Variants in SLC15A5 observed in about 807,000 individuals in gnomAD.
SLC15A5 encodes solute carrier family 15 member 5, also known as Peptide/histidine transporter ENSP00000340402.
In SLC15A5, 58 loss-of-function variants were observed where a neutral mutation model predicts 56.1. The ratio of observed to expected loss-of-function variants is 1.03; its 90% CI spans 0.84 to 1.29. The LOEUF (loss-of-function observed/expected upper bound fraction) is 1.29, where lower values mean the gene tolerates loss of function less well. Ranked by LOEUF, SLC15A5 falls within the 50% of genes most tolerant of loss-of-function variation. SLC15A5 has a pLI of 0.00. For synonymous variants in SLC15A5, 264 were observed against 250.5 expected (o/e 1.05, Z -0.51); for missense variants, 681 against 672.1 (o/e 1.01, Z -0.15).
chr12:16,276,438 C>A (rs1029738843), intron 1 of SLC15A5, among the ~76,000 whole-genome samples: 6 of 151,958 alleles, frequency 3.9e-5, no homozygotes, highest in African/African-American at 1.4e-4. Context: ...CACATTTGTA[C>A]CTTTATTTAG....
chr12:16,272,512 A>T (rs1461202843), intron 2 of SLC15A5, 49 bp downstream of exon 2: 2 of 1,494,168 alleles, frequency 1.3e-6, no homozygotes, highest in South Asian at 1.2e-5. Context: ...GAAAGTAAAC[A>T]GTGAGAATGG....
chr12:16,218,145 G>C (rs759257681), intron 6 of SLC15A5, among the ~76,000 whole-genome samples: 1 of 152,094 alleles, frequency 6.6e-6, no homozygotes, highest in African/African-American at 2.4e-5. Context: ...ACAAGTTTTG[G>C]CTATGAGTTG....
chr12:16,244,545 C>A (rs1447846451), intron 4 of SLC15A5, 35 bp downstream of exon 4: 1 of 1,512,566 alleles, frequency 6.6e-7, no homozygotes, highest in South Asian at 1.2e-5. Flanking sequence ...AATCACTTTC[C>A]TGTTGTTGGG....
intron 4 of SLC15A5, among the ~76,000 whole-genome samples, chr12:16,240,230 A>G (rs543146435): frequency 6.6e-6 from 1 of 152,352 alleles, no homozygotes; most frequent in African/African-American, 2.4e-5. Flanking sequence ...GAACACTAAT[A>G]TAAAACCAGT....
At chr12:16,206,848 C>G (rs1177480066) in intron 7 of SLC15A5, among the ~76,000 whole-genome samples, 1 of 152,116 alleles carries the variant, frequency 6.6e-6, no homozygotes, top group South Asian at 2.1e-4. Flanking sequence ...GCATTGTTCA[C>G]CTGAGCTGCA....
rs1348068572 is a variant in SLC15A5, at chr12:16,189,299, T to C, written c.*369A>G. The C allele has an allele frequency of 6.4e-6, 1 of 156,360 alleles. No homozygotes were observed. The highest frequency in any genetic ancestry group is 1.4e-5 in the Non-Finnish European group (1 of 70,968). The allele number at this position is 156,360 out of a possible 1,614,324, so 9.7% of individuals were successfully genotyped here. On this transcript the variant is annotated 3_prime_UTR_variant, in exon 9 of 9. Coordinates refer to ENST00000344941, the MANE Select transcript of SLC15A5 (RefSeq NM_001170798.1). ...TGTATTGAAAGAGAGTATATTAAAATACTGTCATTTTGCTTCTAATGACTC... is the reference window on the plus strand; with the variant it reads ...TGTATTGAAAGAGAGTATATTAAAACACTGTCATTTTGCTTCTAATGACTC...
At chr12:16,270,493 G>T (rs950311167) in intron 2 of SLC15A5, among the ~76,000 whole-genome samples, 3 of 152,072 alleles carry the variant, frequency 2.0e-5, no homozygotes, top group Non-Finnish European at 4.4e-5. Flanking sequence ...TCCTAAATGG[G>T]TTCCCTCTTT....
At chr12:16,195,693 T>C (rs1308190483) in intron 7 of SLC15A5, among the ~76,000 whole-genome samples, 1 of 152,078 alleles carries the variant, frequency 6.6e-6, no homozygotes, top group African/African-American at 2.4e-5. Context: ...GCACATGGGT[T>C]GTAGGGTTGT....
At position 16,224,493 on chromosome 12, in the gene SLC15A5, A is replaced by G; in HGVS notation, c.1272T>C (p.Thr424=). Residue 424 remains threonine, a synonymous_variant, in exon 6 of 9, where the codon ACT becomes ACC. Transcript: ENST00000344941. ...GGTAGAAACAGGGCATGGAGGAAAC[A>G]GTGAGAACTTTTCCTGAAAGGGGCT... ...VEQPLSGKVL[T]VSSMPCFYLI... is the part of the protein sequence containing the mutation. The G allele has an allele frequency of 1.3e-6, 2 of 1,537,308 alleles. No individual in the cohort carries two copies. Among genetic ancestry groups the G allele is most frequent in the South Asian group, 1.2e-5 (1 of 84,058 alleles).
In SLC15A5 at chr12:16,189,600, A is replaced by G; in HGVS notation, c.*68T>C. 1 of 1,318,618 alleles carries G rather than the reference A, an allele frequency of 7.6e-7. No homozygotes were observed. Among genetic ancestry groups the G allele is most frequent in the East Asian group, 2.6e-5 (1 of 37,776 alleles). 81.7% of individuals were successfully genotyped at this position (1,318,618 alleles called of 1,614,324 possible). ...TATTGGCTTTTACACTAAAACACAT[A>G]AAATGCTCAACTGAAGAAGAAAACA... On this transcript the variant is annotated 3_prime_UTR_variant, in exon 9 of 9. Transcript: ENST00000344941.
chr12:16,271,414 C>A lies in SLC15A5; in HGVS notation c.584+1147G>T, dbSNP rs1321088423. ...AATAGAATAAAAAAGAAGGATTTTT[C>A]TTTCTCCTTTGGGCAGGTCAAGGAG... is the stretch of plus-strand genomic sequence containing the variant. On this transcript the variant is annotated intron_variant, in intron 2 of 8. Transcript: ENST00000344941. This position sits in a 1 kb window ranked among gnomAD's most constrained non-coding sequence, Gnocchi z 8.0. Among the ~76,000 whole-genome samples the A allele has an allele frequency of 6.6e-6, 1 of 152,098 alleles. No homozygotes were observed. Among genetic ancestry groups the A allele is most frequent in the African/African-American group, 2.4e-5 (1 of 41,436 alleles).
chr12:16,250,909 A>C (rs1864512753), intron 3 of SLC15A5, among the ~76,000 whole-genome samples: 1 of 152,002 alleles, frequency 6.6e-6, no homozygotes, highest in East Asian at 1.9e-4. Context: ...AATGAAAGAC[A>C]AAACAAACAC....
Position 16,252,275 on chromosome 12 carries a change from A to G in SLC15A5, c.754+5426T>C, listed in dbSNP as rs561969393. ...CAAGGCAAAGATGCCCACTCTTGCT[A>G]CTATAATTGAACATAGTGCTGAAAG... On this transcript the variant is annotated intron_variant, in intron 3 of 8. Transcript: ENST00000344941. Among the ~76,000 whole-genome samples, 3 of 152,210 alleles carry G rather than the reference A, an allele frequency of 2.0e-5. No individual in the cohort carries two copies. In the East Asian group the frequency reaches 5.8e-4, roughly 29 times the overall value.
chr12:16,263,450 A>G (rs988289397), intron 2 of SLC15A5, among the ~76,000 whole-genome samples: 1 of 152,196 alleles, frequency 6.6e-6, no homozygotes, highest in Non-Finnish European at 1.5e-5. Context: ...AGCAGAGCAT[A>G]AAAGTTTGGA....
At chr12:16,262,298 T>C (rs2136812955) in intron 2 of SLC15A5, among the ~76,000 whole-genome samples, 1 of 152,214 alleles carries the variant, frequency 6.6e-6, no homozygotes, top group East Asian at 1.9e-4. Flanking sequence ...ACATTTGAAA[T>C]TACCTTTCAT....
Position 16,235,605 on chromosome 12 carries a change from G to A in SLC15A5, c.1162+4076C>T, listed in dbSNP as rs778830873. Among the ~76,000 whole-genome samples the A allele has an allele frequency of 3.3e-5, 5 of 152,112 alleles. No homozygotes were observed. Among genetic ancestry groups the A allele is most frequent in the African/African-American group, 7.2e-5 (3 of 41,534 alleles). The stretch of plus-strand genomic sequence containing the variant: ...GCTTATATCAAACAAATGTGCAACC[G>A]AATGAATGACTTATTCAGGCTAGAT... On this transcript the variant is annotated intron_variant, in intron 5 of 8. Coordinates refer to ENST00000344941, the MANE Select transcript of SLC15A5 (RefSeq NM_001170798.1). The surrounding 1 kb of genome is among the most constrained non-coding windows in gnomAD (Gnocchi z 4.1).
At position 16,222,476 on chromosome 12, in the gene SLC15A5, A is replaced by G. The variant is rs1047849946; in HGVS notation, c.1351+1938T>C. Among the ~76,000 whole-genome samples the G allele has an allele frequency of 4.1e-4, 62 of 152,198 alleles. 1 individual carries two copies. The highest frequency in any genetic ancestry group is 2.0e-4 in the Admixed American group (3 of 15,272). The stretch of plus-strand genomic sequence containing the variant: ...TCAATGCTGTGATATAAAGAAGAAT[A>G]CAATTATTTCTATTTTAAATATCAG... On this transcript the variant is annotated intron_variant, in intron 6 of 8. Transcript: ENST00000344941.
chr12:16,242,559 T>C (rs943541690), intron 4 of SLC15A5, among the ~76,000 whole-genome samples: 4 of 152,212 alleles, frequency 2.6e-5, no homozygotes, highest in African/African-American at 9.6e-5. Context: ...AATTACGTAC[T>C]GTGAAGCCAT....
intron 5 of SLC15A5, among the ~76,000 whole-genome samples, chr12:16,226,994 T>C (rs1382085778): frequency 6.6e-6 from 1 of 152,184 alleles, no homozygotes; most frequent in East Asian, 1.9e-4. Flanking sequence ...GCTTAGTGTT[T>C]GTTTTGGTTG....
Sources: gnomAD v4.1 joint callset for allele counts (sites outside exome capture counted in the v4.1 genomes callset) on GRCh38, gnomAD v4.1.1 for gene constraint, Gnocchi (gnomAD v3.1) non-coding constraint, MANE v1.5 for transcripts, NCBI Gene and HGNC (gene_info 2026-07-23, HGNC 2026-07-21) for gene names.